The following GSE1 variants were observed in gnomAD, a reference collection of about 807,000 sequenced individuals.
GSE1 encodes the protein Gse1 coiled-coil protein.
A neutral mutation model predicts 112.6 loss-of-function variants in GSE1; 32 were observed. That is an observed-to-expected ratio of 0.28 (90% CI 0.21 to 0.38). GSE1 has a LOEUF of 0.38. Among genes scored for constraint, GSE1 ranks in the 10% least tolerant of loss-of-function variants. The pLI is 1.00. For synonymous variants in GSE1, 1,115 were observed against 735.6 expected, an observed-to-expected ratio of 1.52 and a Z score of -8.35; for missense variants, 2,348 against 1,699.2, an observed-to-expected ratio of 1.38 and a Z score of -6.71.
chr16:85,213,434 C>T (rs1302603582), intron 1 of GSE1, among the ~76,000 whole-genome samples: 6 of 152,156 alleles, frequency 3.9e-5, no homozygotes, highest in Admixed American at 3.9e-4. Flanking sequence ...GCTTGGGCGA[C>T]AAAGTGAAAC....
chr16:85,186,139 G>A (rs927718473), intron 1 of GSE1, among the ~76,000 whole-genome samples: 2 of 152,170 alleles, frequency 1.3e-5, no homozygotes, highest in Non-Finnish European at 2.9e-5. Flanking sequence ...TCCACCCATC[G>A]TGAGATTTTG....
chr16:85,538,409 G>T (rs547090713), intron 2 of GSE1, among the ~76,000 whole-genome samples: 140 of 152,314 alleles, frequency 9.2e-4, no homozygotes, highest in Admixed American at 1.6e-3. Flanking sequence ...GTGCGGCAGG[G>T]AGTTTACAAG....
intron 1 of GSE1, among the ~76,000 whole-genome samples, chr16:85,187,891 T>A (rs149630004): frequency 6.6e-6 from 1 of 152,140 alleles, no homozygotes; most frequent in African/African-American, 2.4e-5. Flanking sequence ...GAGGCCCCAC[T>A]CAAAGGCCGT....
At chr16:85,301,084 G>A (rs1415942322) in intron 1 of GSE1, among the ~76,000 whole-genome samples, 1 of 152,182 alleles carries the variant, frequency 6.6e-6, no homozygotes, top group East Asian at 1.9e-4. Flanking sequence ...TCTCTAAAGT[G>A]GCCCCAAACC....
intron 2 of GSE1, among the ~76,000 whole-genome samples, chr16:85,530,517 T>C (rs2044102962): frequency 6.6e-6 from 1 of 152,192 alleles, no homozygotes; most frequent in Non-Finnish European, 1.5e-5. Flanking sequence ...TGGACCATTT[T>C]TCGTCGGAGC....
At chr16:85,331,651 A>G (rs2046367677) in intron 1 of GSE1, among the ~76,000 whole-genome samples, 1 of 128,136 alleles carries the variant, frequency 7.8e-6, no homozygotes, top group Admixed American at 8.7e-5. Flanking sequence ...GTGTATATAT[A>G]TATGTGTATA....
At chr16:85,203,464 G>A (rs1046294278) in intron 1 of GSE1, among the ~76,000 whole-genome samples, 1 of 152,198 alleles carries the variant, frequency 6.6e-6, no homozygotes, top group East Asian at 1.9e-4. Flanking sequence ...TGGCCCCTCA[G>A]GGAGGGGTTG....
At chr16:85,264,976 A>C (rs556069457) in intron 1 of GSE1, among the ~76,000 whole-genome samples, 1 of 152,312 alleles carries the variant, frequency 6.6e-6, no homozygotes, top group African/African-American at 2.4e-5. Context: ...TGGGACAGTC[A>C]CATCACGACA....
intron 1 of GSE1, among the ~76,000 whole-genome samples, chr16:85,628,583 T>G (rs898308116): frequency 6.6e-6 from 1 of 152,134 alleles, no homozygotes; most frequent in African/African-American, 2.4e-5. Context: ...GGGCTCAGGT[T>G]CAGACTCCTG....
chr16:85,307,315 C>T (rs1198764118), intron 1 of GSE1, among the ~76,000 whole-genome samples: 14 of 152,216 alleles, frequency 9.2e-5, no homozygotes, highest in Non-Finnish European at 1.8e-4. Context: ...TCTGGTTTAA[C>T]CACCTGCGAC....
rs940839741 is a variant in GSE1 at position 85,478,976 on chromosome 16, C to T, written c.2464+121333C>T. ...TTTTCTTTCTTTCTTTCCTTCCTTC[C>T]TTCCTTCCTTCCTTCCTTCTTTCCC... On this transcript the variant is annotated intron_variant, in intron 2 of 2. Transcript: ENST00000637419. 7.4e-4 allele frequency among the ~76,000 whole-genome samples: 13 copies of T among 17,684 alleles called. 1 individual carries two copies. Among genetic ancestry groups the T allele is most frequent in the African/African-American group, 3.0e-3 (5 of 1,652 alleles). The allele number at this position is 17,684 out of a possible 152,430, so 11.6% of individuals were successfully genotyped here.
chr16:85,621,806 G>A (rs1272301780), intron 1 of GSE1, among the ~76,000 whole-genome samples: 1 of 152,202 alleles, frequency 6.6e-6, no homozygotes, highest in Non-Finnish European at 1.5e-5. Flanking sequence ...TACCCTTGAA[G>A]AAGCAGGGGA....
intron 2 of GSE1, among the ~76,000 whole-genome samples, chr16:85,477,023 C>G (rs960026323): frequency 6.8e-6 from 1 of 147,150 alleles, no homozygotes; most frequent in Non-Finnish European, 1.5e-5. Context: ...TTCCCAGGTT[C>G]GAGTGATTGA....
intron 1 of GSE1, among the ~76,000 whole-genome samples, chr16:85,333,707 G>A (rs1597416439): frequency 6.6e-6 from 1 of 152,228 alleles, no homozygotes; most frequent in South Asian, 2.1e-4. Flanking sequence ...GGGGCCCAAA[G>A]AGGGTCCTCA....
chr16:85,198,801 C>T (rs1013351652), intron 1 of GSE1, among the ~76,000 whole-genome samples: 1 of 152,058 alleles, frequency 6.6e-6, no homozygotes, highest in Non-Finnish European at 1.5e-5. Flanking sequence ...TATTTCGAGA[C>T]AGGGTCTCAC....
chr16:85,572,337 T>C (rs1242151836), intron 1 of GSE1, among the ~76,000 whole-genome samples: 15 of 105,986 alleles, frequency 1.4e-4, no homozygotes, highest in Admixed American at 9.7e-5. Context: ...ACACACCACA[T>C]ACCCCTCCAC....
At position 85,656,370 on chromosome 16, in the gene GSE1, G is replaced by GGAGAGGGAGCGCGAGCGC. The variant is rs1230504491; in HGVS notation, c.1021_1038dup (p.Arg347_Glu352dup). On this transcript the variant is annotated inframe_insertion, in exon 7 of 16. Transcript: ENST00000253458. ...TGCAGATGGACGAGGAGCTAAGGCG[G>GGAGAGGGAGCGCGAGCGC]GAGAGGGAGCGCGAGCGCGAGCGCG... 4 of 1,609,076 alleles carry GGAGAGGGAGCGCGAGCGC rather than the reference G, an allele frequency of 2.5e-6. No homozygotes were observed. Among genetic ancestry groups the GGAGAGGGAGCGCGAGCGC allele is most frequent in the Admixed American group, 1.7e-5 (1 of 59,426 alleles).
intron 1 of GSE1, among the ~76,000 whole-genome samples, chr16:85,583,846 C>T (rs990898660): frequency 2.0e-5 from 3 of 152,314 alleles, no homozygotes; most frequent in African/African-American, 7.2e-5. Flanking sequence ...GAGCCTGCCT[C>T]CCCGGCGGCC....
intron 3 of GSE1, among the ~76,000 whole-genome samples, chr16:85,653,584 C>A (rs1057448034): frequency 6.6e-6 from 1 of 151,798 alleles, no homozygotes; most frequent in Non-Finnish European, 1.5e-5. Context: ...GTCCAGGAGC[C>A]TGGGACAGGC....
Sources: gnomAD v4.1 joint callset for allele counts (sites outside exome capture counted in the v4.1 genomes callset) on GRCh38, gnomAD v4.1.1 for gene constraint, MANE v1.5 for transcripts, NCBI Gene and HGNC (gene_info 2026-07-23, HGNC 2026-07-21) for gene names.